The following SKAP2 variants were observed in gnomAD, a reference collection of about 807,000 sequenced individuals.
SKAP2 encodes the protein src kinase-associated phosphoprotein 2.
In SKAP2, 28 loss-of-function variants were observed where a neutral mutation model predicts 54.9. The observed-to-expected ratio is 0.51, with a 90% CI of 0.38 to 0.70. The LOEUF (loss-of-function observed/expected upper bound fraction) is 0.70. Among genes scored for constraint, SKAP2 ranks in the 30% least tolerant of loss-of-function variants. The pLI is 0.00. For synonymous variants in SKAP2, 137 were observed against 134.3 expected, an observed-to-expected ratio of 1.02 and a Z score of -0.14; for missense variants, 356 against 424.1, an observed-to-expected ratio of 0.84 and a Z score of 1.41.
intron 4 of SKAP2, among the ~76,000 whole-genome samples, chr7:26,747,556 T>C (rs188265139): frequency 0.016 from 2,456 of 150,364 alleles, 59 homozygotes; most frequent in African/African-American, 0.057. Context: ...TCTAAAGGAG[T>C]TAGGGTGGAA....
At chr7:26,725,156 T>C (rs1787672987) in intron 9 of SKAP2, among the ~76,000 whole-genome samples, 1 of 152,168 alleles carries the variant, frequency 6.6e-6, no homozygotes, top group Admixed American at 6.5e-5. Context: ...ACAATGCTAA[T>C]GAGCCACAAG....
At chr7:26,773,736 A>G (rs1401587440) in intron 4 of SKAP2, among the ~76,000 whole-genome samples, 2 of 152,226 alleles carry the variant, frequency 1.3e-5, no homozygotes, top group African/African-American at 4.8e-5. Context: ...AAAAACAAAG[A>G]CAATACAGGT....
At position 26,827,248 on chromosome 7, in the gene SKAP2, C is replaced by T. The variant is rs79774068; in HGVS notation, c.307+16782G>A. Reference sequence around the variant, plus strand: ...CAAAAGCATCTCTGGCATGAAATTACTTTCTGACATAGTCTTTAAATATGG... The same window carrying T: ...CAAAAGCATCTCTGGCATGAAATTATTTTCTGACATAGTCTTTAAATATGG... On this transcript the variant is annotated intron_variant, in intron 4 of 12. Coordinates refer to ENST00000345317, the MANE Select transcript of SKAP2 (RefSeq NM_003930.5). Among the ~76,000 whole-genome samples the T allele has an allele frequency of 1.8e-4, 27 of 152,256 alleles. No homozygotes were observed. In the East Asian group the frequency reaches 4.6e-3, roughly 26 times the overall value.
intron 6 of SKAP2, among the ~76,000 whole-genome samples, chr7:26,730,867 G>GT (rs1438701249): frequency 6.6e-6 from 1 of 152,110 alleles, no homozygotes; most frequent in Non-Finnish European, 1.5e-5. Context: ...TGTTCTGGGG[G>GT]TTTTTTAAGC....
At chr7:26,707,868 A>G (rs903144594) in intron 9 of SKAP2, among the ~76,000 whole-genome samples, 2 of 152,196 alleles carry the variant, frequency 1.3e-5, no homozygotes, top group African/African-American at 4.8e-5. Context: ...CAAGCATGGT[A>G]TTCCCAAGCC....
chr7:26,676,800 T>C (rs1276285828), intron 11 of SKAP2, among the ~76,000 whole-genome samples: 2 of 152,098 alleles, frequency 1.3e-5, no homozygotes, highest in Admixed American at 1.3e-4. Context: ...AAAAAGTTTG[T>C]AAAAAGAGAA....
chr7:26,799,114 ACAAGGCAAGGCAAGG>A (rs111943470), intron 4 of SKAP2, among the ~76,000 whole-genome samples: 7 of 148,764 alleles, frequency 4.7e-5, no homozygotes, highest in South Asian at 4.3e-4. Flanking sequence ...GCAAGGCAAG[ACAAGGCAAGGCAAGG>A]CAAGGCAAGG....
At chr7:26,856,406 AG>A (rs975974776) in intron 1 of SKAP2, among the ~76,000 whole-genome samples, 16 of 152,320 alleles carry the variant, frequency 1.1e-4, no homozygotes, top group Middle Eastern at 3.4e-3. Context: ...GTTAAAAAAA[AG>A]TATGAAAATG....
At chr7:26,725,052 A>C (rs1787671146) in intron 9 of SKAP2, among the ~76,000 whole-genome samples, 1 of 152,078 alleles carries the variant, frequency 6.6e-6, no homozygotes, top group South Asian at 2.1e-4. Flanking sequence ...GGTTAATGGA[A>C]GTTCCAAGAT....
intron 4 of SKAP2, among the ~76,000 whole-genome samples, chr7:26,799,993 G>T (rs1783876950): frequency 6.9e-6 from 1 of 144,752 alleles, no homozygotes; most frequent in Non-Finnish European, 1.6e-5. Flanking sequence ...TTGTGGTGGG[G>T]GGTGTCTGTA....
chr7:26,793,990 G>A (rs781736605), intron 4 of SKAP2, among the ~76,000 whole-genome samples: 4 of 152,136 alleles, frequency 2.6e-5, no homozygotes, highest in Non-Finnish European at 5.9e-5. Flanking sequence ...AGTATCTACA[G>A]AAATTCTGAT....
Position 26,739,007 on chromosome 7 carries a change from C to T in SKAP2, c.386-129G>A, listed in dbSNP as rs931765179. On this transcript the variant is annotated intron_variant, in intron 5 of 12. Transcript: ENST00000345317. ...AATTTGTATCTTCTTTTCCAAGAGA[C>T]AAAAAACCAAACAACAACAAACCAA... is the stretch of plus-strand genomic sequence containing the variant. 2.3e-5 allele frequency: 15 copies of T among 650,384 alleles called. No individual in the cohort carries two copies. In the Admixed American group the frequency reaches 3.1e-4, roughly 13 times the overall value. The allele number at this position is 650,384 out of a possible 1,614,324, so 40.3% of individuals were successfully genotyped here. A position where few individuals can be genotyped will look rare whatever the true frequency, so the allele number is the denominator to read the frequency against.
chr7:26,664,630 T>A (rs1786074521), downstream of SKAP2, among the ~76,000 whole-genome samples: 1 of 151,922 alleles, frequency 6.6e-6, no homozygotes, highest in African/African-American at 2.4e-5. Context: ...GGAGTGATAT[T>A]TTTATATTAG....
At chr7:26,758,751 C>T (rs1446200007) in intron 4 of SKAP2, among the ~76,000 whole-genome samples, 2 of 152,150 alleles carry the variant, frequency 1.3e-5, no homozygotes, top group African/African-American at 4.8e-5. Flanking sequence ...CTAATTCTTG[C>T]TACTAAATTT....
intron 9 of SKAP2, among the ~76,000 whole-genome samples, chr7:26,692,139 T>C (rs1250879658): frequency 6.6e-6 from 1 of 151,632 alleles, no homozygotes; most frequent in Non-Finnish European, 1.5e-5. Flanking sequence ...GAGATGGTTA[T>C]AAGAGGTAAA....
At chr7:26,777,379 G>T (rs1123157) in intron 4 of SKAP2, among the ~76,000 whole-genome samples, 1 of 151,852 alleles carries the variant, frequency 6.6e-6, no homozygotes, top group Non-Finnish European at 1.5e-5. Flanking sequence ...GGACAAAAAA[G>T]AGGAAATAAG....
chr7:26,854,202 A>T, intron 2 of SKAP2, 40 bp from the exon 3 acceptor site: 12 of 1,391,280 alleles, frequency 8.6e-6, no homozygotes, highest in Non-Finnish European at 1.2e-5. Context: ...AGGTTGAAAA[A>T]TCAAAACAAG....
chr7:26,697,382 C>T (rs1025394428), intron 9 of SKAP2, among the ~76,000 whole-genome samples: 4 of 152,068 alleles, frequency 2.6e-5, no homozygotes, highest in South Asian at 2.1e-4. Context: ...TGGTCAGAAG[C>T]GACTGTGAAT....
chr7:26,713,704 A>G (rs1351872032), intron 9 of SKAP2, among the ~76,000 whole-genome samples: 3 of 151,588 alleles, frequency 2.0e-5, no homozygotes, highest in Non-Finnish European at 4.4e-5. Context: ...GGTTCACACC[A>G]TTCTCCTGCC....
Sources: allele counts gnomAD v4.1 joint callset (sites outside exome capture counted in the v4.1 genomes callset), GRCh38; gene constraint gnomAD v4.1.1; transcripts MANE v1.5; gene names NCBI Gene and HGNC (gene_info 2026-07-23, HGNC 2026-07-21).